SOCS7: variants seen among roughly 807,000 people sequenced by gnomAD.
SOCS7 encodes suppressor of cytokine signaling 7.
Under a neutral mutation model 58.9 loss-of-function variants are expected in SOCS7, and 18 were observed. That is an observed-to-expected ratio of 0.31 (90% confidence interval 0.21 to 0.45). SOCS7 has a LOEUF of 0.45. SOCS7 is among the 20% of genes least tolerant of loss of function. The pLI, the probability that SOCS7 is intolerant of heterozygous loss-of-function variation, is 1.00. For synonymous variants in SOCS7, 388 were observed against 364.3 expected (o/e 1.06, Z -0.74); for missense variants, 667 against 837.3 (o/e 0.80, Z 2.51).
At position 38,404,776 on chromosome 17, in the gene SOCS7, G is replaced by A. The variant is rs374642319; in HGVS notation, c.*5294G>A. 9 of 152,428 alleles carry A rather than the reference G, an allele frequency of 5.9e-5. No homozygotes were observed. The highest frequency in any genetic ancestry group is 1.9e-4 in the African/African-American group (8 of 41,570). The allele number at this position is 152,428 out of a possible 1,614,324, so 9.4% of individuals were successfully genotyped here. ...GCCTGCTCTCACTCCTCCATCTCTG[G>A]TGCTCCCTTGGGCGGGGACCTGTCC... On this transcript the variant is annotated 3_prime_UTR_variant, in exon 10 of 10. Coordinates refer to ENST00000612932, the MANE Select transcript of SOCS7 (RefSeq NM_014598.4).
chr17:38,361,559 C>A (rs1567736890), intron 1 of SOCS7, 152 bp from the exon 2 acceptor site: 2 of 690,572 alleles, frequency 2.9e-6, no homozygotes, highest in East Asian at 2.6e-5. Flanking sequence ...TCATTCTCCC[C>A]CTTTATTTTA....
rs2144331752 is a variant in SOCS7, at chr17:38,364,739, A to G, written c.1046-13A>G. The G allele has an allele frequency of 6.2e-7, 1 of 1,612,168 alleles. No individual in the cohort carries two copies. Among genetic ancestry groups the G allele is most frequent in the Non-Finnish European group, 8.5e-7 (1 of 1,178,322 alleles). On this transcript the variant is annotated splice_polypyrimidine_tract_variant and intron_variant, in intron 2 of 9. Transcript: ENST00000612932. ...GGCGCTTCTGTAACTTGCTTGCTCC[A>G]TGAATCCCTCAGGTGAAACTGTGTC...
intron 9 of SOCS7, among the ~76,000 whole-genome samples, chr17:38,396,370 T>C (rs1362840613): frequency 2.6e-5 from 4 of 152,144 alleles, no homozygotes; most frequent in African/African-American, 4.8e-5. Flanking sequence ...ATCTCCCTGA[T>C]ACTGCACAAA....
intron 6 of SOCS7, among the ~76,000 whole-genome samples, chr17:38,372,156 A>G (rs896617422): frequency 3.3e-5 from 5 of 152,212 alleles, no homozygotes; most frequent in African/African-American, 9.7e-5. Context: ...ATTTGTGACA[A>G]TTTGTAAAAT....
chr17:38,377,979 G>C (rs1355120837), intron 7 of SOCS7, 137 bp downstream of exon 7: 3 of 742,166 alleles, frequency 4.0e-6, no homozygotes, highest in Non-Finnish European at 6.6e-6. Flanking sequence ...CTCTTACAGA[G>C]TCCCATGGTT....
chr17:38,397,954 C>T (rs72834022), intron 9 of SOCS7, among the ~76,000 whole-genome samples: 3,545 of 152,230 alleles, frequency 0.023, 60 homozygotes, highest in Non-Finnish European at 0.032. Context: ...ATGGGAGTGC[C>T]TTGGAGCAGA....
At position 38,404,973 on chromosome 17, in the gene SOCS7, G is replaced by A. The variant is rs1445959319; in HGVS notation, c.*5491G>A. 1.3e-5 allele frequency: 2 copies of A among 152,154 alleles called. No individual in the cohort carries two copies. The highest frequency in any genetic ancestry group is 4.8e-5 in the African/African-American group (2 of 41,440). 9.4% of individuals were successfully genotyped at this position (152,154 alleles called of 1,614,324 possible). ...AGAGGGGTGTCATTCTGGGCTCGGG[G>A]TGGTTGCCAATTTTTCACCAGAAAG... On this transcript the variant is annotated 3_prime_UTR_variant, in exon 10 of 10. Coordinates refer to ENST00000612932, the MANE Select transcript of SOCS7 (RefSeq NM_014598.4).
intron 6 of SOCS7, among the ~76,000 whole-genome samples, chr17:38,372,843 A>T (rs2037884924): frequency 6.6e-6 from 1 of 152,218 alleles, no homozygotes; most frequent in Non-Finnish European, 1.5e-5. Flanking sequence ...GCGGTGGCTC[A>T]CACCTGTAAT....
chr17:38,402,009 T>C lies in SOCS7; in HGVS notation c.*2527T>C, dbSNP rs1484100190. ...GGAGGCAGAGCCTCTGCACCCCCTG[T>C]GTTACTGGGGTTTCTTCTGGAGAAC... On this transcript the variant is annotated 3_prime_UTR_variant, in exon 10 of 10. Transcript: ENST00000612932. 1 of 152,264 alleles carries C rather than the reference T, an allele frequency of 6.6e-6. No individual in the cohort carries two copies. The highest frequency in any genetic ancestry group is 2.4e-5 in the African/African-American group (1 of 41,464). 9.4% of individuals were successfully genotyped at this position (152,264 alleles called of 1,614,324 possible). A position where few individuals can be genotyped will look rare whatever the true frequency, so the allele number is the denominator to read the frequency against.
At chr17:38,367,844 G>C in intron 5 of SOCS7, 38 bp from the exon 6 acceptor site, 1 of 1,595,330 alleles carries the variant, frequency 6.3e-7, no homozygotes, top group Middle Eastern at 1.7e-4. Flanking sequence ...ACATTTCTCT[G>C]TCCTGATAAC....
intron 7 of SOCS7, among the ~76,000 whole-genome samples, chr17:38,381,161 T>C (rs2037995933): frequency 6.6e-6 from 1 of 152,128 alleles, no homozygotes; most frequent in Non-Finnish European, 1.5e-5. Flanking sequence ...CATGCTCCAG[T>C]TGAATATCTG....
chr17:38,392,819 G>T (rs2144398884), intron 7 of SOCS7, among the ~76,000 whole-genome samples: 1 of 152,248 alleles, frequency 6.6e-6, no homozygotes, highest in South Asian at 2.1e-4. Flanking sequence ...CTGCTGAGAG[G>T]TTCCTCGGCT....
intron 1 of SOCS7, among the ~76,000 whole-genome samples, chr17:38,359,963 A>G (rs1263414289): frequency 6.6e-6 from 1 of 151,388 alleles, no homozygotes; most frequent in Non-Finnish European, 1.5e-5. Flanking sequence ...TTTTTTGTAG[A>G]GACGAGGTTT....
rs1555571077 is a variant in SOCS7, at chr17:38,389,870, T to TATATATATATATGTAC, written c.1682-5426_1682-5411dup. On this transcript the variant is annotated intron_variant, in intron 7 of 9. Transcript: ENST00000612932. ...TTTGTTTGGTGTGTATGTGTGTACA[T>TATATATATATATGTAC]ATATATATATATGTACATATATATA... is the stretch of plus-strand genomic sequence containing the variant. 6.4e-4 allele frequency among the ~76,000 whole-genome samples: 61 copies of TATATATATATATGTAC among 95,324 alleles called. 16 individuals are homozygous for TATATATATATATGTAC. In the East Asian group the frequency reaches 0.013, roughly 21 times the overall value. The allele number at this position is 95,324 out of a possible 152,430, so 62.5% of individuals were successfully genotyped here.
rs2038380093 is a variant in SOCS7 at position 38,405,498 on chromosome 17, C to T, written c.*6016C>T. On this transcript the variant is annotated 3_prime_UTR_variant, in exon 10 of 10. Coordinates refer to ENST00000612932, the MANE Select transcript of SOCS7 (RefSeq NM_014598.4). ...GTGTCAGTGCGAGAGACATTTGACTCTTGTGTTTGTATCTCCTTTTTATGA... is the reference window on the plus strand; with the variant it reads ...GTGTCAGTGCGAGAGACATTTGACTTTTGTGTTTGTATCTCCTTTTTATGA... 1 of 152,090 alleles carries T rather than the reference C, an allele frequency of 6.6e-6. No individual in the cohort carries two copies. Among genetic ancestry groups the T allele is most frequent in the Non-Finnish European group, 1.5e-5 (1 of 68,012 alleles). 9.4% of individuals were successfully genotyped at this position (152,090 alleles called of 1,614,324 possible).
At chr17:38,369,984 G>T (rs1457442505) in intron 6 of SOCS7, among the ~76,000 whole-genome samples, 1 of 151,916 alleles carries the variant, frequency 6.6e-6, no homozygotes, top group Non-Finnish European at 1.5e-5. Flanking sequence ...GTAGACACAG[G>T]GTTTCACCAT....
chr17:38,372,821 A>T (rs2037884637), intron 6 of SOCS7, among the ~76,000 whole-genome samples: 1 of 152,136 alleles, frequency 6.6e-6, no homozygotes, highest in Non-Finnish European at 1.5e-5. Flanking sequence ...AATAAAAGAA[A>T]AAAGGCTGGA....
chr17:38,361,855 A>G, intron 2 of SOCS7, 80 bp downstream of exon 2: 1 of 977,602 alleles, frequency 1.0e-6, no homozygotes, highest in East Asian at 2.4e-5. Flanking sequence ...TTACAGATGC[A>G]TCACAGGGAG....
chr17:38,360,057 T>C (rs906261158), intron 1 of SOCS7, among the ~76,000 whole-genome samples: 9 of 151,692 alleles, frequency 5.9e-5, no homozygotes, highest in Non-Finnish European at 1.0e-4. Flanking sequence ...GGATTACAGG[T>C]GTGAGCCATC....
Sources: allele counts gnomAD v4.1 joint callset (sites outside exome capture counted in the v4.1 genomes callset), GRCh38; gene constraint gnomAD v4.1.1; transcripts MANE v1.5; gene names NCBI Gene and HGNC (gene_info 2026-07-23, HGNC 2026-07-21).